The following SVIL variants were observed in gnomAD, a reference collection of about 807,000 sequenced individuals.
SVIL encodes supervillin.
Under a neutral mutation model 240.4 loss-of-function variants are expected in SVIL, and 101 were observed. That is an observed-to-expected ratio of 0.42 (90% CI 0.36 to 0.50). The LOEUF (loss-of-function observed/expected upper bound fraction) is 0.50. SVIL is among the 20% of genes least tolerant of loss of function. SVIL has a pLI of 0.01. For synonymous variants in SVIL, 999 were observed against 1,100.0 expected, an observed-to-expected ratio of 0.91 and a Z score of 1.82; for missense variants, 2,512 against 2,818.7, an observed-to-expected ratio of 0.89 and a Z score of 2.46.
chr10:29,608,013 G>A (rs1479964880), intron 1 of SVIL, among the ~76,000 whole-genome samples: 2 of 152,198 alleles, frequency 1.3e-5, no homozygotes, highest in East Asian at 3.8e-4. Flanking sequence ...GCATCTATCC[G>A]ATCATTCTTT....
chr10:29,484,893 G>C lies in SVIL; in HGVS notation c.4780-62C>G. 6.6e-7 allele frequency: 1 copy of C among 1,506,700 alleles called. No individual in the cohort carries two copies. The highest frequency in any genetic ancestry group is 2.3e-5 in the East Asian group (1 of 43,246). The allele number at this position is 1,506,700 out of a possible 1,614,324, so 93.3% of individuals were successfully genotyped here. A position where few individuals can be genotyped will look rare whatever the true frequency, so the allele number is the denominator to read the frequency against. ...AGAACATGCAACAGTTGAATCAGGT[G>C]CAACAGGGTCTCTTGTTGACAGTGA... On this transcript the variant is annotated intron_variant, in intron 26 of 37. Coordinates refer to ENST00000355867, the MANE Select transcript of SVIL (RefSeq NM_021738.3). This position sits in a 1 kb window ranked among gnomAD's most constrained non-coding sequence, Gnocchi z 4.7.
At chr10:29,597,140 C>T (rs145879867) in intron 1 of SVIL, among the ~76,000 whole-genome samples, 192 of 152,176 alleles carry the variant, frequency 1.3e-3, no homozygotes, top group African/African-American at 4.5e-3. Context: ...GAATGCAGAC[C>T]CCAGGGAGAA....
Position 29,458,512 on chromosome 10 carries a change from G to C in SVIL, c.6480C>G (p.Ala2160=), listed in dbSNP as rs775178877. 6.3e-7 allele frequency: 1 copy of C among 1,598,038 alleles called. No homozygotes were observed. Among genetic ancestry groups the C allele is most frequent in the Non-Finnish European group, 8.5e-7 (1 of 1,172,404 alleles). The stretch of plus-strand genomic sequence containing the variant: ...CCGGGAGTGGCCTGGCCAGGAGGTC[G>C]GCCAGCGGGTAAATGGTTTTACAGA... ...AKLCKTIYPL[A]DLLARPLPEG... The change falls in exon 37 of 38, where the codon GCC becomes GCG. Residue 2160 remains alanine, a synonymous_variant. Transcript: ENST00000355867.
rs758336284 is a variant in SVIL, at chr10:29,523,949, T to C, written c.2665A>G (p.Met889Val). 9 of 1,614,174 alleles carry C rather than the reference T, an allele frequency of 5.6e-6. No homozygotes were observed. Among genetic ancestry groups the C allele is most frequent in the Admixed American group, 1.7e-5 (1 of 60,022 alleles). The change falls in exon 15 of 38, where the codon ATG (methionine) becomes GTG (valine). Residue 889 changes from methionine to valine, a missense_variant. Coordinates refer to ENST00000355867, the MANE Select transcript of SVIL (RefSeq NM_021738.3). ...TTTGTGCGAAGATCTCCGGCATACATTGGAGCAACCGTGGATGCTACGGTA... is the reference window on the plus strand; with the variant it reads ...TTTGTGCGAAGATCTCCGGCATACACTGGAGCAACCGTGGATGCTACGGTA... ...VSTVASTVAP[M>V]YAGDLRTKPP...
chr10:29,689,163 T>C (rs1337520788), intron 1 of SVIL, among the ~76,000 whole-genome samples: 3 of 152,240 alleles, frequency 2.0e-5, no homozygotes, highest in Non-Finnish European at 2.9e-5. Flanking sequence ...AGCTCAACTT[T>C]TTCTTTTCAC....
chr10:29,473,300 A>C (rs548241873), intron 30 of SVIL, among the ~76,000 whole-genome samples: 1 of 152,338 alleles, frequency 6.6e-6, no homozygotes, highest in Admixed American at 6.5e-5. Context: ...GGGCGTTCCC[A>C]ATCCTTACAT....
rs77358688 is a variant in SVIL at position 29,590,628 on chromosome 10, C to T, written c.-200-21316G>A. On this transcript the variant is annotated intron_variant, in intron 1 of 37. Transcript: ENST00000355867. ...TGAAAGATTCAGTCATCTTTTGCAA[C>T]CTATTTATATGTTTTATATTTAAGC... Among the ~76,000 whole-genome samples the T allele has an allele frequency of 9.2e-4, 140 of 152,244 alleles. 3 individuals are homozygous for T. The East Asian group carries it at 0.023, about 25-fold the overall frequency.
chr10:29,545,853 C>CAAAAAAAAAAAAAAAAA (rs755360700), intron 6 of SVIL, among the ~76,000 whole-genome samples: 16 of 63,576 alleles, frequency 2.5e-4, no homozygotes, highest in East Asian at 5.4e-4. Flanking sequence ...GACTCTGTCT[C>CAAAAAAAAAAAAAAAAA]AAAAAAAAAA....
At chr10:29,674,899 C>T (rs181704330) in intron 2 of SVIL, among the ~76,000 whole-genome samples, 1 of 152,320 alleles carries the variant, frequency 6.6e-6, no homozygotes, top group Admixed American at 6.5e-5. Flanking sequence ...CACGGCATCA[C>T]TCTGACACTG....
At chr10:29,706,219 C>G (rs531639824) in intron 1 of SVIL, among the ~76,000 whole-genome samples, 1 of 152,278 alleles carries the variant, frequency 6.6e-6, no homozygotes, top group African/African-American at 2.4e-5. Flanking sequence ...GTTCTAGATC[C>G]TTGAGGAATC....
At chr10:29,712,255 G>A (rs930464131) in intron 1 of SVIL, among the ~76,000 whole-genome samples, 2 of 152,138 alleles carry the variant, frequency 1.3e-5, no homozygotes, top group Non-Finnish European at 2.9e-5. Flanking sequence ...TGTTGGAGGC[G>A]GTGCCTAATG....
chr10:29,483,525 T>C (rs1947104998), intron 27 of SVIL: 1 of 152,256 alleles, frequency 6.6e-6, no homozygotes, highest in African/African-American at 2.4e-5. Context: ...GGTGATTCTG[T>C]CTCAGAGATG....
At chr10:29,466,791 T>C (rs4749433) in intron 33 of SVIL, among the ~76,000 whole-genome samples, 44,480 of 152,104 alleles carry the variant, frequency 0.29, 7,032 homozygotes, top group East Asian at 0.54. Context: ...ATATATAGCA[T>C]AGAGAAATGT....
chr10:29,506,549 C>T (rs1458971619), intron 17 of SVIL, among the ~76,000 whole-genome samples: 10 of 152,228 alleles, frequency 6.6e-5, no homozygotes, highest in South Asian at 2.1e-4. Flanking sequence ...AGGCCCATCG[C>T]GGCACTGTCA....
intron 24 of SVIL, among the ~76,000 whole-genome samples, chr10:29,486,803 A>T (rs1947445727): frequency 6.6e-6 from 1 of 152,220 alleles, no homozygotes; most frequent in Admixed American, 6.5e-5. Context: ...GATGCTTTTA[A>T]AAAACACTAT....
chr10:29,570,128 T>C lies in SVIL; in HGVS notation c.-200-816A>G, dbSNP rs542158021. On this transcript the variant is annotated intron_variant, in intron 1 of 37. Coordinates refer to ENST00000355867, the MANE Select transcript of SVIL (RefSeq NM_021738.3). ...AAATAAGTACAAAATATATCAGATG[T>C]TGACACTTCATTATCCATCAAAATA... Among the ~76,000 whole-genome samples the C allele has an allele frequency of 3.7e-4, 56 of 152,380 alleles. 1 individual carries two copies. In the South Asian group the frequency reaches 0.012, roughly 32 times the overall value.
chr10:29,532,718 T>C lies in SVIL; in HGVS notation c.1649A>G (p.Asp550Gly), dbSNP rs923665713. The change falls in exon 8 of 38, where the codon GAT (aspartate) becomes GGT (glycine). Residue 550 changes from aspartate (D) to glycine (G), a missense_variant. This residue lies in a region of SVIL where 1,443 missense variants were observed against 1,486.6 expected (regional missense o/e 0.97). Transcript: ENST00000355867. ...KRKVRTRSLSDFTGPPQLQAL... is the reference protein window; with the variant it reads ...KRKVRTRSLSGFTGPPQLQAL... ...CTGGAGCTGAGGGGGGCCTGTGAAA[T>C]CTGACAGAGAGCGGGTACGGACCTT... is the stretch of plus-strand genomic sequence containing the variant. 9.3e-6 allele frequency: 15 copies of C among 1,614,056 alleles called. No individual in the cohort carries two copies. The Admixed American group carries it at 1.0e-4, about 11-fold the overall frequency.
chr10:29,667,505 T>C (rs566673109), intron 2 of SVIL, among the ~76,000 whole-genome samples: 22 of 152,240 alleles, frequency 1.4e-4, no homozygotes, highest in Non-Finnish European at 3.1e-4. Context: ...TTCAGGATGA[T>C]GGATATTTAC....
intron 21 of SVIL, among the ~76,000 whole-genome samples, chr10:29,491,222 A>G (rs550643284): frequency 1.1e-4 from 17 of 152,106 alleles, no homozygotes; most frequent in Non-Finnish European, 2.4e-4. Context: ...AATCTCAGCC[A>G]CACCCGGATG....
Sources: gnomAD v4.1 joint callset for allele counts (sites outside exome capture counted in the v4.1 genomes callset) on GRCh38, gnomAD v4.1.1 for gene constraint, gnomAD v4.1.1 regional missense constraint, Gnocchi (gnomAD v3.1) non-coding constraint, MANE v1.5 for transcripts, NCBI Gene and HGNC (gene_info 2026-07-23, HGNC 2026-07-21) for gene names.